The following FBN1 variants were observed in gnomAD, a reference collection of about 807,000 sequenced individuals.
FBN1 encodes fibrillin-1.
A neutral mutation model predicts 365.1 loss-of-function variants in FBN1; 29 were observed. The ratio of observed to expected loss-of-function variants is 0.08; its 90% CI spans 0.06 to 0.11. The LOEUF (loss-of-function observed/expected upper bound fraction) is 0.11, where lower values mean the gene tolerates loss of function less well. FBN1 is among the 10% of genes least tolerant of loss of function. The pLI, the probability that FBN1 is intolerant of heterozygous loss-of-function variation, is 1.00. For synonymous variants in FBN1, 1,210 were observed against 1,270.5 expected (o/e 0.95, Z 1.01); for missense variants, 2,476 against 3,703.2 (o/e 0.67, Z 8.60).
intron 41 of FBN1, 122 bp from the exon 42 acceptor site, chr15:48,463,362 G>T: frequency 2.0e-6 from 2 of 999,500 alleles, no homozygotes; most frequent in African/African-American, 1.6e-5. Context: ...GCTTGACTTT[G>T]ATAAGGACAC....
At chr15:48,539,796 C>T (rs901825895) in intron 6 of FBN1, among the ~76,000 whole-genome samples, 1 of 145,200 alleles carries the variant, frequency 6.9e-6, no homozygotes, top group Non-Finnish European at 1.5e-5. Context: ...TATCATTTGT[C>T]TTTTTTTTTT....
At chr15:48,581,668 G>C (rs2044392974) in intron 6 of FBN1, among the ~76,000 whole-genome samples, 1 of 152,012 alleles carries the variant, frequency 6.6e-6, no homozygotes. Flanking sequence ...GAGACACAGA[G>C]AACAGAAATA....
intron 18 of FBN1, 73 bp from the exon 19 acceptor site, chr15:48,497,464 A>G: frequency 2.1e-6 from 3 of 1,422,098 alleles, no homozygotes; most frequent in Non-Finnish European, 3.0e-6. Context: ...AAAATATAAC[A>G]CTACAATAAA....
intron 6 of FBN1, among the ~76,000 whole-genome samples, chr15:48,549,846 C>T (rs369458692): frequency 5.3e-5 from 8 of 151,842 alleles, no homozygotes; most frequent in East Asian, 3.9e-4. Flanking sequence ...GACAAAAAAA[C>T]GACTCCAGTT....
At chr15:48,475,541 T>A (rs1566906740) in intron 32 of FBN1, among the ~76,000 whole-genome samples, 1 of 152,182 alleles carries the variant, frequency 6.6e-6, no homozygotes, top group Non-Finnish European at 1.5e-5. Flanking sequence ...ATAATCAACT[T>A]TGTCATTAAC....
In FBN1 at chr15:48,516,311, T is replaced by G; in HGVS notation, c.1199A>C (p.Glu400Ala). 6.2e-7 allele frequency: 1 copy of G among 1,613,882 alleles called. No individual in the cohort carries two copies. Among genetic ancestry groups the G allele is most frequent in the Non-Finnish European group, 8.5e-7 (1 of 1,179,922 alleles). ...SVPMVIPGRPEYPPPPLGPIP... is the reference protein window; with the variant it reads ...SVPMVIPGRPAYPPPPLGPIP... ...GGGGCCAAGGGGTGGGGGAGGATAT[T>G]CTGGTCTCCCAGGAATTACCATAGG... is the stretch of plus-strand genomic sequence containing the variant. The change falls in exon 11 of 66, where the codon GAA becomes GCA. Residue 400 changes from glutamate to alanine, a missense_variant. By Grantham distance (107) the Glu-to-Ala change is moderately radical. Transcript: ENST00000316623.
chr15:48,438,085 G>A (rs991892790), intron 50 of FBN1, among the ~76,000 whole-genome samples, 168 bp from the exon 51 acceptor site: 1 of 152,096 alleles, frequency 6.6e-6, no homozygotes, highest in African/African-American at 2.4e-5. Flanking sequence ...TTAAAGTCAT[G>A]GGTATCTTTT....
At chr15:48,424,209 T>C (rs1032244865) in intron 60 of FBN1, among the ~76,000 whole-genome samples, 1 of 152,188 alleles carries the variant, frequency 6.6e-6, no homozygotes, top group African/African-American at 2.4e-5. Context: ...AATGTGTAAG[T>C]AGGTCTCTCA....
rs535465279 is a variant in FBN1 at position 48,490,225 on chromosome 15, C to A, written c.2855-147G>T. The A allele has an allele frequency of 1.6e-3, 1,183 of 752,008 alleles. 3 individuals carry two copies. Among genetic ancestry groups the A allele is most frequent in the Non-Finnish European group, 1.7e-3 (768 of 443,540 alleles). The allele number at this position is 752,008 out of a possible 1,614,324, so 46.6% of individuals were successfully genotyped here. Reference sequence around the variant, plus strand: ...AATTAGTTTTATTCCTCAAAAAAAACCCCAGGCTCTGGGGTAAGTATCCTT... The same window carrying A: ...AATTAGTTTTATTCCTCAAAAAAAAACCCAGGCTCTGGGGTAAGTATCCTT... On this transcript the variant is annotated intron_variant, in intron 24 of 65. Transcript: ENST00000316623.
At chr15:48,543,134 C>T (rs570857672) in intron 6 of FBN1, among the ~76,000 whole-genome samples, 12 of 152,276 alleles carry the variant, frequency 7.9e-5, no homozygotes, top group African/African-American at 2.6e-4. Flanking sequence ...TCAAAGCAAA[C>T]AACAAAGTCA....
At chr15:48,427,313 G>A (rs1158951937) in intron 58 of FBN1, among the ~76,000 whole-genome samples, 2 of 152,032 alleles carry the variant, frequency 1.3e-5, no homozygotes, top group East Asian at 1.9e-4. Flanking sequence ...TATAGTAAAC[G>A]GTTTAAAAAG....
chr15:48,598,851 A>C (rs566579445), intron 5 of FBN1, among the ~76,000 whole-genome samples: 6 of 152,120 alleles, frequency 3.9e-5, no homozygotes, highest in African/African-American at 1.4e-4. Context: ...TTGAATTCTC[A>C]TATGTTGTGG....
At chr15:48,421,730 A>G in intron 61 of FBN1, 44 bp from the exon 62 acceptor site, 1 of 1,602,468 alleles carries the variant, frequency 6.2e-7, no homozygotes, top group Non-Finnish European at 8.5e-7. Context: ...AATTCCCCAA[A>G]GCTCTCTTTG....
At chr15:48,495,784 A>C (rs2043602940) in intron 20 of FBN1, among the ~76,000 whole-genome samples, 196 bp from the exon 21 acceptor site, 1 of 152,242 alleles carries the variant, frequency 6.6e-6, no homozygotes, top group African/African-American at 2.4e-5. Context: ...TATAGTATAG[A>C]ATACGGGACT....
chr15:48,588,907 T>G (rs1322030759), intron 6 of FBN1, among the ~76,000 whole-genome samples: 2 of 152,156 alleles, frequency 1.3e-5, no homozygotes, highest in African/African-American at 4.8e-5. Flanking sequence ...GAGGACACTG[T>G]GGACTAGGGA....
intron 11 of FBN1, 63 bp from the exon 12 acceptor site, chr15:48,515,590 T>C (rs756374984): frequency 3.5e-5 from 56 of 1,590,324 alleles, no homozygotes; most frequent in Non-Finnish European, 4.7e-5. Context: ...CAGTACTTAA[T>C]CTGACAATAA....
chr15:48,540,410 C>A (rs551898661), intron 6 of FBN1, among the ~76,000 whole-genome samples: 1 of 152,044 alleles, frequency 6.6e-6, no homozygotes, highest in Non-Finnish European at 1.5e-5. Context: ...TTGAATCCTG[C>A]TGGATTTTCT....
At chr15:48,635,766 T>C (rs966202519) in intron 2 of FBN1, among the ~76,000 whole-genome samples, 5 of 152,246 alleles carry the variant, frequency 3.3e-5, no homozygotes. Flanking sequence ...AACATACTGC[T>C]TCATTAGGAA....
chr15:48,438,233 T>G lies in FBN1; in HGVS notation c.6164-316A>C, dbSNP rs181551676. Among the ~76,000 whole-genome samples, 34 of 152,306 alleles carry G rather than the reference T, an allele frequency of 2.2e-4. 1 individual carries two copies. The South Asian group carries it at 3.7e-3, about 17-fold the overall frequency. ...TTCAAAACTGACATCTGTCAGTGAC[T>G]TCAGGATTGGAAAGTCCACAGAAGG... On this transcript the variant is annotated intron_variant, in intron 50 of 65. Coordinates refer to ENST00000316623, the MANE Select transcript of FBN1 (RefSeq NM_000138.5).
Sources: gnomAD v4.1 joint callset for allele counts (sites outside exome capture counted in the v4.1 genomes callset) on GRCh38, gnomAD v4.1.1 for gene constraint, MANE v1.5 for transcripts, NCBI Gene and HGNC (gene_info 2026-07-23, HGNC 2026-07-21) for gene names.